OSMR: variants seen among roughly 807,000 people sequenced by gnomAD.
OSMR encodes oncostatin-M-specific receptor subunit beta.
Under a neutral mutation model 99.9 loss-of-function variants are expected in OSMR, and 81 were observed. The observed-to-expected ratio is 0.81, with a 90% CI of 0.68 to 0.97. The LOEUF is 0.97. Among genes scored for constraint, OSMR ranks in the 50% least tolerant of loss-of-function variants. The pLI, the probability that OSMR is intolerant of heterozygous loss-of-function variation, is 0.00. For synonymous variants in OSMR, 406 were observed against 410.4 expected, an observed-to-expected ratio of 0.99 and a Z score of 0.13; for missense variants, 1,099 against 1,153.4, an observed-to-expected ratio of 0.95 and a Z score of 0.68.
chr5:38,882,270 T>C (rs557505196), intron 4 of OSMR, among the ~76,000 whole-genome samples: 48 of 152,244 alleles, frequency 3.2e-4, no homozygotes, highest in African/African-American at 1.0e-3. Context: ...GCTTTGTTGA[T>C]AGAAATTTAT....
intron 4 of OSMR, 50 bp downstream of exon 4, chr5:38,881,814 A>G (rs1417554346): frequency 2.0e-6 from 3 of 1,465,334 alleles, no homozygotes; most frequent in Non-Finnish European, 2.9e-6. Flanking sequence ...ATATTTTTTA[A>G]TGAGGAGCAA....
At position 38,869,084 on chromosome 5, in the gene OSMR, A is replaced by G. The variant is rs551133663; in HGVS notation, c.40A>G (p.Thr14Ala). 5.9e-5 allele frequency: 96 copies of G among 1,613,676 alleles called. 1 individual carries two copies. In the South Asian group the frequency reaches 8.8e-4, roughly 15 times the overall value. ...FAVFQTTFFL[T>A]LLSLRTYQSE... ...AGTCTTTCAGACAACATTCTTCTTAACATTGCTGTCCTTGAGGACTTACCA... is the reference window on the plus strand; with the variant it reads ...AGTCTTTCAGACAACATTCTTCTTAGCATTGCTGTCCTTGAGGACTTACCA... Residue 14 changes from threonine (T) to alanine (A), a missense_variant, in exon 2 of 18, where the codon ACA becomes GCA. Coordinates refer to ENST00000274276, the MANE Select transcript of OSMR (RefSeq NM_003999.3).
intron 9 of OSMR, among the ~76,000 whole-genome samples, chr5:38,913,707 A>G (rs916449241): frequency 2.0e-5 from 3 of 152,178 alleles, no homozygotes; most frequent in Non-Finnish European, 4.4e-5. Flanking sequence ...CAGAAAGGCT[A>G]TTTTTAAAAA....
At chr5:38,906,087 G>A (rs2112555250) in intron 9 of OSMR, among the ~76,000 whole-genome samples, 1 of 152,030 alleles carries the variant, frequency 6.6e-6, no homozygotes, top group South Asian at 2.1e-4. Flanking sequence ...CTTTGTTCTG[G>A]AAGGCCCTGT....
intron 13 of OSMR, 193 bp from the exon 14 acceptor site, chr5:38,924,229 T>C: frequency 2.5e-6 from 2 of 790,194 alleles, no homozygotes; most frequent in Non-Finnish European, 3.1e-6. Flanking sequence ...TGAACAAGAT[T>C]GCTCAACTCC....
chr5:38,865,105 T>C (rs1741837308), intron 1 of OSMR, among the ~76,000 whole-genome samples: 1 of 152,218 alleles, frequency 6.6e-6, no homozygotes. Context: ...AGGACTTCTG[T>C]TTGGTTCCTT....
intron 1 of OSMR, among the ~76,000 whole-genome samples, chr5:38,864,540 G>GTTTT (rs33918195): frequency 6.1e-5 from 9 of 147,236 alleles, no homozygotes; most frequent in Non-Finnish European, 9.0e-5. Flanking sequence ...CTTGCCTGAA[G>GTTTT]TTTTTTTTTT....
At position 38,924,456 on chromosome 5, in the gene OSMR, A is replaced by G. The variant is rs370051326; in HGVS notation, c.1905A>G (p.Thr635=). 1.1e-5 allele frequency: 18 copies of G among 1,614,072 alleles called. No homozygotes were observed. Among genetic ancestry groups the G allele is most frequent in the Non-Finnish European group, 1.4e-5 (16 of 1,179,952 alleles). The stretch of plus-strand genomic sequence containing the variant: ...ACAACCCTCACGTGCTGGTGGATAC[A>G]TTGACATCCCACTCCTTCACTCTGA... ...PSDNPHVLVD[T]LTSHSFTLSW... Residue 635 remains threonine (T), a synonymous_variant, in exon 14 of 18, where the codon ACA becomes ACG. Coordinates refer to ENST00000274276, the MANE Select transcript of OSMR (RefSeq NM_003999.3).
rs1204914223 is a variant in OSMR at position 38,881,625 on chromosome 5, G to C, written c.279G>C (p.Gln93His). The change falls in exon 4 of 18, where the codon CAG (glutamine) becomes CAC (histidine). Residue 93 changes from glutamine to histidine, a missense_variant. Physicochemically the swap from Gln to His is conservative, Grantham distance 24. Transcript: ENST00000274276. ...GNYSTTVKWN[Q>H]VLHWSWESEL... Reference sequence around the variant, plus strand: ...ACAGCACCACTGTGAAGTGGAACCAGGTTCTGCATTGGAGCTGGGAATCTG... The same window carrying C: ...ACAGCACCACTGTGAAGTGGAACCACGTTCTGCATTGGAGCTGGGAATCTG... 1.9e-6 allele frequency: 3 copies of C among 1,614,010 alleles called. No homozygotes were observed. The highest frequency in any genetic ancestry group is 2.5e-6 in the Non-Finnish European group (3 of 1,180,008).
chr5:38,921,955 G>C (rs771906330), intron 12 of OSMR, among the ~76,000 whole-genome samples, 161 bp downstream of exon 12: 1 of 152,178 alleles, frequency 6.6e-6, no homozygotes, highest in Admixed American at 6.5e-5. Context: ...ACAAGAATAT[G>C]TTCTAAAACT....
intron 4 of OSMR, 65 bp downstream of exon 4, chr5:38,881,829 C>G (rs1579695695): frequency 7.2e-7 from 1 of 1,388,956 alleles, no homozygotes; most frequent in South Asian, 1.2e-5. Context: ...GAGCAATAGT[C>G]AAATAGTGGA....
intron 9 of OSMR, among the ~76,000 whole-genome samples, chr5:38,910,825 A>G (rs1206567172): frequency 6.6e-6 from 1 of 152,176 alleles, no homozygotes; most frequent in East Asian, 1.9e-4. Flanking sequence ...CTTGGCCAAT[A>G]TGGTGAAACC....
At chr5:38,919,308 A>G (rs1432744343) in intron 11 of OSMR, 1 of 1,463,422 alleles carries the variant, frequency 6.8e-7, no homozygotes, top group Non-Finnish European at 9.1e-7. Context: ...TTCAACATAC[A>G]TGGGAAATTA....
At chr5:38,937,191 C>T (rs1351075559), downstream of OSMR, among the ~76,000 whole-genome samples, 3 of 152,200 alleles carry the variant, frequency 2.0e-5, no homozygotes, top group Admixed American at 2.0e-4. The surrounding 1 kb of genome is among the most constrained non-coding windows in gnomAD (Gnocchi z 4.0). Context: ...GGCCACCACG[C>T]CCGGCTGATT....
chr5:38,878,441 C>T (rs549631344), intron 3 of OSMR, among the ~76,000 whole-genome samples: 47 of 152,090 alleles, frequency 3.1e-4, no homozygotes, highest in Non-Finnish European at 5.7e-4. Flanking sequence ...CCAGAGGCAC[C>T]GACCTGTCTC....
Position 38,923,190 on chromosome 5 carries a change from T to C in OSMR, c.1806T>C (p.Tyr602=), listed in dbSNP as rs753095333. Residue 602 remains tyrosine, a synonymous_variant, in exon 13 of 18, where the codon TAT becomes TAC. Transcript: ENST00000274276. ...RPGVRYDFRI[Y]GLSTKRIACL... Reference sequence around the variant, plus strand: ...GAGTTCGATATGACTTCAGAATTTATGGGTTATCTACAAAAAGGATTGCTT... The same window carrying C: ...GAGTTCGATATGACTTCAGAATTTACGGGTTATCTACAAAAAGGATTGCTT... The C allele has an allele frequency of 1.9e-6, 3 of 1,613,450 alleles. No individual in the cohort carries two copies. Among genetic ancestry groups the C allele is most frequent in the Non-Finnish European group, 1.7e-6 (2 of 1,179,402 alleles).
chr5:38,941,077 T>C (rs955187088), intron 1 of OSMR: 3 of 232,800 alleles, frequency 1.3e-5, no homozygotes, highest in Non-Finnish European at 2.6e-5. Context: ...TTTGCATATA[T>C]GTTTAATTCC....
intron 12 of OSMR, 188 bp from the exon 13 acceptor site, chr5:38,922,962 G>A (rs1026626061): frequency 1.7e-5 from 3 of 176,672 alleles, no homozygotes; most frequent in Non-Finnish European, 3.3e-5. Flanking sequence ...TTTTAGTAGA[G>A]AGAGGATTTC....
intron 1 of OSMR, chr5:38,941,116 T>C (rs1018115597): frequency 4.3e-6 from 1 of 232,874 alleles, no homozygotes; most frequent in Non-Finnish European, 8.5e-6. Context: ...CCTTTAGACA[T>C]ATACAAATTA....
Sources: gnomAD v4.1 joint callset for allele counts (sites outside exome capture counted in the v4.1 genomes callset) on GRCh38, gnomAD v4.1.1 for gene constraint, Gnocchi (gnomAD v3.1) non-coding constraint, MANE v1.5 for transcripts, NCBI Gene and HGNC (gene_info 2026-07-23, HGNC 2026-07-21) for gene names.